Variants in WDFY2 observed in about 807,000 individuals in gnomAD.
WDFY2 encodes the protein WD repeat and FYVE domain containing 2.
A neutral mutation model predicts 56.4 loss-of-function variants in WDFY2; 36 were observed. The observed-to-expected ratio is 0.64, with a 90% CI of 0.49 to 0.84. The LOEUF (loss-of-function observed/expected upper bound fraction) is 0.84. Ranked by LOEUF, WDFY2 falls within the 40% of genes least tolerant of loss-of-function variation. The pLI is 0.00. For missense variants in WDFY2, 444 were observed against 512.2 expected (o/e 0.87, Z 1.29); for synonymous variants, 176 against 183.7 (o/e 0.96, Z 0.34).
chr13:51,748,489 A>T (rs549651214), intron 7 of WDFY2, among the ~76,000 whole-genome samples: 1 of 152,338 alleles, frequency 6.6e-6, no homozygotes, highest in Admixed American at 6.5e-5. Context: ...GTAAGACAGG[A>T]GCACAGGTGT....
chr13:51,678,607 G>T (rs1955926417), intron 3 of WDFY2, among the ~76,000 whole-genome samples: 2 of 152,248 alleles, frequency 1.3e-5, no homozygotes, highest in South Asian at 4.1e-4. Context: ...TCATGCTGAA[G>T]TGGAACTTTA....
intron 3 of WDFY2, among the ~76,000 whole-genome samples, chr13:51,688,453 T>C (rs937782861): frequency 1.3e-5 from 2 of 152,148 alleles, no homozygotes; most frequent in African/African-American, 4.8e-5. Flanking sequence ...AAAAGATCAG[T>C]GGATAAAAAA....
intron 4 of WDFY2, among the ~76,000 whole-genome samples, chr13:51,715,454 C>A (rs553798796): frequency 6.6e-6 from 1 of 152,260 alleles, no homozygotes; most frequent in African/African-American, 2.4e-5. Context: ...TCAGGATCAT[C>A]AGTATCACTG....
chr13:51,751,216 G>GA, intron 7 of WDFY2, 94 bp from the exon 8 acceptor site: 1 of 1,155,462 alleles, frequency 8.7e-7, no homozygotes, highest in Non-Finnish European at 1.2e-6. Context: ...GGCTCGGAGT[G>GA]AGTGAGCACA....
At chr13:51,747,519 G>A (rs921363015) in intron 7 of WDFY2, among the ~76,000 whole-genome samples, 48 of 152,156 alleles carry the variant, frequency 3.2e-4, no homozygotes, top group African/African-American at 1.1e-3. Flanking sequence ...ATTATTTATA[G>A]CATTTCTTTT....
At chr13:51,710,461 T>C (rs1952186515) in intron 4 of WDFY2, among the ~76,000 whole-genome samples, 2 of 151,910 alleles carry the variant, frequency 1.3e-5, no homozygotes, top group Non-Finnish European at 2.9e-5. Context: ...GAGAAGCAAA[T>C]AAAGAGTATT....
intron 3 of WDFY2, among the ~76,000 whole-genome samples, chr13:51,699,851 A>G (rs752457115): frequency 2.0e-5 from 3 of 152,252 alleles, no homozygotes; most frequent in Non-Finnish European, 4.4e-5. Context: ...GTTCATATGG[A>G]TATACTTGCA....
Position 51,759,942 on chromosome 13 carries a change from G to A in WDFY2, c.*173G>A, listed in dbSNP as rs753111962. On this transcript the variant is annotated 3_prime_UTR_variant, in exon 12 of 12. Transcript: ENST00000298125. The stretch of plus-strand genomic sequence containing the variant: ...GTGGGGACCTGGCCAGTGAGCACTC[G>A]CAAGGGGACTCTTCCAACTTGTTCA... 1.7e-4 allele frequency: 98 copies of A among 593,856 alleles called. No individual in the cohort carries two copies. Among genetic ancestry groups the A allele is most frequent in the Middle Eastern group, 8.2e-4 (2 of 2,438 alleles). The allele number at this position is 593,856 out of a possible 1,614,324, so 36.8% of individuals were successfully genotyped here.
chr13:51,662,298 A>T (rs1010471386), intron 2 of WDFY2, among the ~76,000 whole-genome samples: 1 of 151,996 alleles, frequency 6.6e-6, no homozygotes, highest in Admixed American at 6.6e-5. Flanking sequence ...TATAACCAGT[A>T]TTTTTTCTGG....
At chr13:51,727,230 T>A (rs959125858) in intron 5 of WDFY2, among the ~76,000 whole-genome samples, 5 of 152,204 alleles carry the variant, frequency 3.3e-5, no homozygotes, top group Non-Finnish European at 7.3e-5. Flanking sequence ...CGACTTTGTA[T>A]TCTGTTCTGT....
intron 8 of WDFY2, among the ~76,000 whole-genome samples, chr13:51,753,905 C>T (rs191551198): frequency 2.0e-4 from 30 of 150,474 alleles, no homozygotes; most frequent in African/African-American, 4.6e-4. Context: ...GTCAACATGG[C>T]GAAACCCTGT....
intron 1 of WDFY2, among the ~76,000 whole-genome samples, chr13:51,604,549 A>T (rs535670148): frequency 3.9e-5 from 6 of 152,176 alleles, no homozygotes; most frequent in Non-Finnish European, 7.3e-5. Flanking sequence ...GGACAGAGAG[A>T]CTTGAGGACT....
At chr13:51,608,635 C>T (rs966888548) in intron 1 of WDFY2, among the ~76,000 whole-genome samples, 12 of 152,136 alleles carry the variant, frequency 7.9e-5, no homozygotes, top group African/African-American at 2.2e-4. Context: ...GAGACGAGCT[C>T]GCACCACTGC....
chr13:51,703,707 T>G (rs1350459666), intron 4 of WDFY2, 57 bp downstream of exon 4: 5 of 1,403,828 alleles, frequency 3.6e-6, no homozygotes, highest in Non-Finnish European at 3.9e-6. Flanking sequence ...TCTTGGTGGT[T>G]TTCACTGCCA....
intron 5 of WDFY2, among the ~76,000 whole-genome samples, chr13:51,722,559 A>G (rs1456588926): frequency 6.6e-6 from 1 of 152,222 alleles, no homozygotes; most frequent in Non-Finnish European, 1.5e-5. Context: ...TTAGATTTTC[A>G]GTCTTTTACA....
intron 3 of WDFY2, among the ~76,000 whole-genome samples, chr13:51,682,482 A>G (rs1955995653): frequency 6.6e-6 from 1 of 152,210 alleles, no homozygotes; most frequent in Admixed American, 6.5e-5. Context: ...TATAGACTGA[A>G]TTAATGAGCG....
Position 51,743,579 on chromosome 13 carries a change from C to G in WDFY2, c.725+4404C>G, listed in dbSNP as rs144469994. Among the ~76,000 whole-genome samples the G allele has an allele frequency of 5.4e-3, 825 of 152,296 alleles. 6 individuals carry two copies. The highest frequency in any genetic ancestry group is 0.019 in the African/African-American group (773 of 41,554). ...GCCTTGGGATCTGACTACTGTTTCT[C>G]TCTGTAGAATTTCCTATGGAAATAT... On this transcript the variant is annotated intron_variant, in intron 7 of 11. Transcript: ENST00000298125.
intron 4 of WDFY2, among the ~76,000 whole-genome samples, chr13:51,705,654 A>G (rs1952067806): frequency 1.3e-5 from 2 of 151,990 alleles, no homozygotes; most frequent in African/African-American, 4.8e-5. Context: ...TGATAGAGGC[A>G]TGAAATACAC....
chr13:51,628,612 AC>A (rs574229785), intron 1 of WDFY2, among the ~76,000 whole-genome samples: 16 of 151,418 alleles, frequency 1.1e-4, no homozygotes, highest in Non-Finnish European at 1.8e-4. Context: ...CCCTAGCGGC[AC>A]CCCCCCTGCT....
Sources: gnomAD v4.1 joint callset for allele counts (sites outside exome capture counted in the v4.1 genomes callset) on GRCh38, gnomAD v4.1.1 for gene constraint, MANE v1.5 for transcripts, NCBI Gene and HGNC (gene_info 2026-07-23, HGNC 2026-07-21) for gene names.